The following WWP2 variants were observed in gnomAD, a reference collection of about 807,000 sequenced individuals.
WWP2 encodes NEDD4-like E3 ubiquitin-protein ligase WWP2.
A neutral mutation model predicts 121.0 loss-of-function variants in WWP2; 57 were observed. The observed-to-expected ratio is 0.47, with a 90% confidence interval of 0.38 to 0.59. The LOEUF is 0.59. Among genes scored for constraint, WWP2 ranks in the 20% least tolerant of loss-of-function variants. The probability of loss-of-function intolerance (pLI) is 0.00; values close to 1 mark genes in which losing one functional copy is unlikely to be tolerated. For missense variants in WWP2, 962 were observed against 1,158.9 expected (o/e 0.83, Z 2.47); for synonymous variants, 449 against 441.3 (o/e 1.02, Z -0.22).
chr16:69,939,856 T>C lies in WWP2; in HGVS notation c.2529T>C (p.Asp843=). The C allele has an allele frequency of 6.2e-7, 1 of 1,613,860 alleles. No individual in the cohort carries two copies. Among genetic ancestry groups the C allele is most frequent in the Non-Finnish European group, 8.5e-7 (1 of 1,179,878 alleles). The part of the protein sequence containing the change: ...PRSHTCFNRL[D]LPPYKSYEQL... ...CTCTCAATAGCTTCAACCGTCTGGA[T>C]CTTCCACCCTACAAGAGCTACGAAC... Residue 843 remains aspartate, a synonymous_variant, in exon 24 of 24, where the codon GAT becomes GAC. Transcript: ENST00000359154.
chr16:69,887,384 C>A (rs774959911), intron 7 of WWP2, among the ~76,000 whole-genome samples: 61 of 152,096 alleles, frequency 4.0e-4, no homozygotes, highest in Non-Finnish European at 6.6e-4. Context: ...CTTGGCCTTG[C>A]TGCATTTAGC....
chr16:69,936,270 G>A, intron 18 of WWP2, 42 bp from the exon 19 acceptor site: 3 of 1,613,088 alleles, frequency 1.9e-6, no homozygotes, highest in Non-Finnish European at 2.5e-6. Flanking sequence ...GAAAGACCCT[G>A]ACACGGTAGA....
chr16:69,877,488 G>C (rs2057754184), intron 7 of WWP2, among the ~76,000 whole-genome samples: 1 of 152,110 alleles, frequency 6.6e-6, no homozygotes, highest in African/African-American at 2.4e-5. Context: ...TCTTGGTAAG[G>C]CTGTTTTACT....
chr16:69,842,145 AAG>A, intron 6 of WWP2, 25 bp downstream of exon 6: 1 of 1,603,390 alleles, frequency 6.2e-7, no homozygotes, highest in Non-Finnish European at 8.5e-7. Flanking sequence ...GGTGAGGACA[AAG>A]AGCTAAGAAG....
chr16:69,884,860 T>C (rs2057895337), intron 7 of WWP2, among the ~76,000 whole-genome samples: 1 of 152,190 alleles, frequency 6.6e-6, no homozygotes, highest in South Asian at 2.1e-4. Flanking sequence ...GGGAGGTTTC[T>C]CTTTACAGAA....
chr16:69,863,963 T>C (rs2057473413), intron 6 of WWP2, among the ~76,000 whole-genome samples: 2 of 152,214 alleles, frequency 1.3e-5, no homozygotes, highest in Admixed American at 1.3e-4. Flanking sequence ...CATTCACCAA[T>C]TGAAGGACTT....
chr16:69,917,596 G>A (rs1328009620), intron 9 of WWP2, 113 bp from the exon 10 acceptor site: 5 of 1,306,722 alleles, frequency 3.8e-6, no homozygotes, highest in Non-Finnish European at 5.2e-6. Flanking sequence ...CTAAGCCCCA[G>A]CAACCTCTGT....
At chr16:69,887,714 T>C (rs753554127) in intron 7 of WWP2, among the ~76,000 whole-genome samples, 1 of 152,178 alleles carries the variant, frequency 6.6e-6, no homozygotes, top group Non-Finnish European at 1.5e-5. Flanking sequence ...CCCCAACACA[T>C]TCCTGTTATG....
chr16:69,824,051 T>C (rs2056639947), intron 4 of WWP2, among the ~76,000 whole-genome samples: 1 of 152,174 alleles, frequency 6.6e-6, no homozygotes, highest in Non-Finnish European at 1.5e-5. Context: ...GCTGTTTCCT[T>C]CCCCTTGCCA....
At chr16:69,922,305 C>G (rs2058575339) in intron 10 of WWP2, among the ~76,000 whole-genome samples, 2 of 151,624 alleles carry the variant, frequency 1.3e-5, no homozygotes, top group Non-Finnish European at 2.9e-5. Flanking sequence ...CTTCCCAGAC[C>G]TTTCTTACCC....
chr16:69,903,276 T>C (rs1218595039), intron 8 of WWP2, among the ~76,000 whole-genome samples: 1 of 152,238 alleles, frequency 6.6e-6, no homozygotes, highest in African/African-American at 2.4e-5. Flanking sequence ...ACTGATTTCA[T>C]TTCTGGCAGT....
chr16:69,789,445 G>A (rs2055861923), intron 2 of WWP2, among the ~76,000 whole-genome samples: 1 of 152,076 alleles, frequency 6.6e-6, no homozygotes, highest in African/African-American at 2.4e-5. Context: ...GGGCAGGCTG[G>A]CTTCAAACTC....
Position 69,940,919 on chromosome 16 carries a change from C to T in WWP2, c.*979C>T, listed in dbSNP as rs1189868634. The T allele has an allele frequency of 1.3e-5, 2 of 153,780 alleles. No individual in the cohort carries two copies. Among genetic ancestry groups the T allele is most frequent in the African/African-American group, 2.4e-5 (1 of 41,462 alleles). The allele number at this position is 153,780 out of a possible 1,614,324, so 9.5% of individuals were successfully genotyped here. ...GCCGCCTTCAATAGAGAAGAAATCC[C>T]TTTGCTAGATAGGGTCCCCCAGGCA... On this transcript the variant is annotated 3_prime_UTR_variant, in exon 24 of 24. Coordinates refer to ENST00000359154, the MANE Select transcript of WWP2 (RefSeq NM_001270454.2).
intron 4 of WWP2, among the ~76,000 whole-genome samples, chr16:69,822,220 T>G (rs1003907070): frequency 6.6e-6 from 1 of 152,104 alleles, no homozygotes; most frequent in Non-Finnish European, 1.5e-5. Context: ...GGGTCAGGGT[T>G]TTGTGTGAGA....
intron 4 of WWP2, among the ~76,000 whole-genome samples, chr16:69,806,437 T>G (rs776380127): frequency 6.6e-6 from 1 of 152,210 alleles, no homozygotes; most frequent in Non-Finnish European, 1.5e-5. Context: ...TAAAGTAAAT[T>G]GATGTGCTTT....
intron 4 of WWP2, among the ~76,000 whole-genome samples, chr16:69,811,808 T>G (rs762022820): frequency 1.3e-5 from 2 of 152,074 alleles, no homozygotes; most frequent in Non-Finnish European, 2.9e-5. Context: ...AACAAAGAAC[T>G]CCTCAATGTC....
intron 4 of WWP2, among the ~76,000 whole-genome samples, chr16:69,814,199 C>T (rs765800615): frequency 1.3e-4 from 20 of 151,954 alleles, no homozygotes; most frequent in Non-Finnish European, 2.2e-4. Context: ...CTTGCTCTGT[C>T]GTCTAGGCTG....
intron 8 of WWP2, chr16:69,890,776 C>T (rs1157082119): frequency 1.3e-5 from 2 of 152,204 alleles, no homozygotes; most frequent in Non-Finnish European, 2.9e-5. Flanking sequence ...CTGGAAAACT[C>T]CAGGCTCTGA....
chr16:69,800,216 A>C (rs1452362163), intron 4 of WWP2, among the ~76,000 whole-genome samples: 1 of 152,086 alleles, frequency 6.6e-6, no homozygotes, highest in Non-Finnish European at 1.5e-5. Context: ...CTGAACCCAC[A>C]CTGGCCCGAG....
Sources: allele counts gnomAD v4.1 joint callset (sites outside exome capture counted in the v4.1 genomes callset), GRCh38; gene constraint gnomAD v4.1.1; transcripts MANE v1.5; gene names NCBI Gene and HGNC (gene_info 2026-07-23, HGNC 2026-07-21).